PTPRK: variants seen among roughly 807,000 people sequenced by gnomAD.
The protein encoded by PTPRK is protein tyrosine phosphatase receptor type K.
In PTPRK, 75 loss-of-function variants were observed where a neutral mutation model predicts 178.0. The observed-to-expected ratio is 0.42, with a 90% confidence interval of 0.35 to 0.51. The LOEUF (loss-of-function observed/expected upper bound fraction) is 0.51. Ranked by LOEUF, PTPRK falls within the 20% of genes least tolerant of loss-of-function variation. PTPRK has a pLI of 0.02. For synonymous variants in PTPRK, 637 were observed against 620.6 expected (o/e 1.03, Z -0.39); for missense variants, 1,441 against 1,797.8 (o/e 0.80, Z 3.59).
At chr6:128,514,377 T>TGG in intron 1 of PTPRK, among the ~76,000 whole-genome samples, 1 of 130,582 alleles carries the variant, frequency 7.7e-6, no homozygotes, top group South Asian at 2.4e-4. Context: ...AAGATGTGTG[T>TGG]GTGTGTGTGT....
intron 13 of PTPRK, among the ~76,000 whole-genome samples, chr6:128,055,521 C>T (rs1263468748): frequency 6.6e-6 from 1 of 151,778 alleles, no homozygotes; most frequent in Admixed American, 6.6e-5. Context: ...TTTTCTATCT[C>T]CTCTTCATTT....
At chr6:128,232,782 T>G (rs141025239) in intron 5 of PTPRK, among the ~76,000 whole-genome samples, 1 of 152,256 alleles carries the variant, frequency 6.6e-6, no homozygotes, top group Non-Finnish European at 1.5e-5. Flanking sequence ...TGCTACTGTT[T>G]GTTATTTTAA....
At chr6:128,320,566 C>T (rs1487053396) in intron 3 of PTPRK, among the ~76,000 whole-genome samples, 1 of 152,076 alleles carries the variant, frequency 6.6e-6, no homozygotes, top group Non-Finnish European at 1.5e-5. Flanking sequence ...AAGGAGTGTG[C>T]TAGATTAATT....
At position 128,072,296 on chromosome 6, in the gene PTPRK, C is replaced by T. The variant is rs1782964960; in HGVS notation, c.1884-4504G>A. On this transcript the variant is annotated intron_variant, in intron 11 of 29. Coordinates refer to ENST00000368226, the MANE Select transcript of PTPRK (RefSeq NM_002844.4). ...ACTACATTATATGGAGGTTTCTCAA[C>T]TTATGATGGGGTTATGTCCCAATAA... 2.0e-5 allele frequency among the ~76,000 whole-genome samples: 3 copies of T among 151,872 alleles called. No individual in the cohort carries two copies. In the South Asian group the frequency reaches 6.2e-4, roughly 31 times the overall value.
chr6:128,230,023 T>C (rs181561335), intron 5 of PTPRK, among the ~76,000 whole-genome samples: 62 of 152,202 alleles, frequency 4.1e-4, no homozygotes, highest in East Asian at 4.1e-3. Context: ...CAGGAATAAA[T>C]ATAGGCATTA....
At chr6:128,514,624 T>C (rs570648903) in intron 1 of PTPRK, among the ~76,000 whole-genome samples, 1 of 152,336 alleles carries the variant, frequency 6.6e-6, no homozygotes, top group South Asian at 2.1e-4. Context: ...CACGGATTAT[T>C]CCATTTAGGA....
At chr6:128,265,813 G>A (rs1258926272) in intron 3 of PTPRK, among the ~76,000 whole-genome samples, 1 of 152,050 alleles carries the variant, frequency 6.6e-6, no homozygotes, top group Non-Finnish European at 1.5e-5. Context: ...ATATCTGTTT[G>A]ACTCCAAAAT....
At chr6:128,048,056 A>T (rs1367344223) in intron 13 of PTPRK, among the ~76,000 whole-genome samples, 8 of 152,132 alleles carry the variant, frequency 5.3e-5, no homozygotes, top group Admixed American at 3.3e-4. Context: ...AGGAAGGAAA[A>T]CATTTCTTTG....
chr6:128,409,963 T>G (rs574104135), intron 1 of PTPRK, among the ~76,000 whole-genome samples: 1 of 152,200 alleles, frequency 6.6e-6, no homozygotes. Flanking sequence ...CTAATACACA[T>G]GTTAAATGTA....
intron 3 of PTPRK, among the ~76,000 whole-genome samples, chr6:128,249,546 G>C (rs1816101852): frequency 6.6e-6 from 1 of 152,028 alleles, no homozygotes; most frequent in Admixed American, 6.6e-5. Context: ...GAAGAAGATA[G>C]GTTTATACTT....
chr6:128,247,858 A>G (rs1815765688), intron 3 of PTPRK, among the ~76,000 whole-genome samples: 1 of 152,184 alleles, frequency 6.6e-6, no homozygotes, highest in Non-Finnish European at 1.5e-5. Flanking sequence ...TCCCTCCACT[A>G]AAAACCTAAC....
chr6:128,123,829 A>G lies in PTPRK; in HGVS notation c.1163-33837T>C, dbSNP rs547170057. 8.9e-4 allele frequency among the ~76,000 whole-genome samples: 136 copies of G among 152,018 alleles called. 1 individual carries two copies. The Middle Eastern group carries it at 0.014, about 15-fold the overall frequency. On this transcript the variant is annotated intron_variant, in intron 7 of 29. Coordinates refer to ENST00000368226, the MANE Select transcript of PTPRK (RefSeq NM_002844.4). ...ATTCTGCAGAATGTCCCTCCATTGG[A>G]ATTTGTCTGAATTTTTTTTCATGAT...
intron 3 of PTPRK, among the ~76,000 whole-genome samples, chr6:128,275,508 A>T (rs550628446): frequency 9.2e-5 from 14 of 152,176 alleles, no homozygotes; most frequent in African/African-American, 3.1e-4. Flanking sequence ...TCTAAAGAAA[A>T]AAGAGCTAAT....
rs1248924350 is a variant in PTPRK at position 128,435,034 on chromosome 6, AAGGCAGGAAGGC to A, written c.101-37358_101-37347del. Among the ~76,000 whole-genome samples, 17 of 101,634 alleles carry A rather than the reference AAGGCAGGAAGGC, an allele frequency of 1.7e-4. 1 individual carries two copies. The highest frequency in any genetic ancestry group is 8.1e-4 in the African/African-American group (17 of 20,892). 66.7% of individuals were successfully genotyped at this position (101,634 alleles called of 152,430 possible). ...GAAGGCAAGAAGGAAGTAAGACAGG[AAGGCAGGAAGGC>A]AGGAAGGAAGGAAGGAAGGAAGGAA... On this transcript the variant is annotated intron_variant, in intron 1 of 29. Transcript: ENST00000368226.
chr6:128,500,795 T>C (rs910227834), intron 1 of PTPRK: 1 of 152,186 alleles, frequency 6.6e-6, no homozygotes, highest in African/African-American at 2.4e-5. Context: ...GTCTGAGGAA[T>C]CTTTATTATG....
chr6:128,077,313 T>C (rs1033640920), intron 11 of PTPRK, among the ~76,000 whole-genome samples: 1 of 152,036 alleles, frequency 6.6e-6, no homozygotes, highest in African/African-American at 2.4e-5. Context: ...CAGCACTATA[T>C]ACGTACTTTG....
chr6:128,049,440 T>C (rs1397302650), intron 13 of PTPRK, among the ~76,000 whole-genome samples: 1 of 152,126 alleles, frequency 6.6e-6, no homozygotes, highest in Non-Finnish European at 1.5e-5. Context: ...TGCTTTACTT[T>C]AAGAATAATT....
At chr6:128,469,745 T>G (rs1850363070) in intron 1 of PTPRK, among the ~76,000 whole-genome samples, 2 of 151,544 alleles carry the variant, frequency 1.3e-5, no homozygotes, top group African/African-American at 2.4e-5. Context: ...ATGGGGAGAG[T>G]GTCCTGGATT....
intron 1 of PTPRK, among the ~76,000 whole-genome samples, chr6:128,480,726 G>A (rs533600343): frequency 1.3e-5 from 2 of 152,122 alleles, no homozygotes; most frequent in Non-Finnish European, 2.9e-5. Context: ...ATAATTGGAC[G>A]TGAAGCCAAG....
Sources: allele counts gnomAD v4.1 joint callset (sites outside exome capture counted in the v4.1 genomes callset), GRCh38; gene constraint gnomAD v4.1.1; transcripts MANE v1.5; gene names NCBI Gene and HGNC (gene_info 2026-07-23, HGNC 2026-07-21).